LYPD4: variants seen among roughly 807,000 people sequenced by gnomAD.
LYPD4 encodes the protein LY6/PLAUR domain containing 4.
Under a neutral mutation model 18.2 loss-of-function variants are expected in LYPD4, and 20 were observed. The ratio of observed to expected loss-of-function variants is 1.10; its 90% confidence interval spans 0.77 to 1.59. The LOEUF (loss-of-function observed/expected upper bound fraction) is 1.59, where lower values mean the gene tolerates loss of function less well. Ranked by LOEUF, LYPD4 falls within the 40% of genes most tolerant of loss-of-function variation. The pLI is 0.00. For synonymous variants in LYPD4, 111 were observed against 118.3 expected (o/e 0.94, Z 0.40); for missense variants, 278 against 300.3 (o/e 0.93, Z 0.55).
downstream of LYPD4, among the ~76,000 whole-genome samples, chr19:41,836,696 G>A (rs1253756274): frequency 1.3e-5 from 2 of 150,010 alleles, no homozygotes; most frequent in Non-Finnish European, 3.0e-5. Context: ...AAAGATTCGA[G>A]ACCAGACCGG....
rs1555831001 is a variant in LYPD4, at chr19:41,837,903, G to C, written c.538+32C>G. On this transcript the variant is annotated intron_variant, in intron 4 of 4. Transcript: ENST00000609812. ...CTGGACAATGCCTGGCAGAGAGTAG[G>C]CATTTGATAAACAATATTCCTCTCC... 4 of 1,558,572 alleles carry C rather than the reference G, an allele frequency of 2.6e-6. No individual in the cohort carries two copies. In the South Asian group the frequency reaches 3.7e-5, roughly 14 times the overall value.
intron 2 of LYPD4, 40 bp downstream of exon 2, chr19:41,839,179 C>G: frequency 4.3e-6 from 7 of 1,614,134 alleles, no homozygotes; most frequent in Non-Finnish European, 5.9e-6. Flanking sequence ...CAGCCTCCCA[C>G]CTTTCTGGGT....
At position 41,842,764 on chromosome 19, in the gene LYPD4, C is replaced by CAAAAA. The variant is rs782233081; in HGVS notation, c.-121+809_-121+813dup. ...CAATAAGAGTGAAACTCCGTCTAAA[C>CAAAAA]AAAAAAAAAAAAAAAAAAAAAAAAA... On this transcript the variant is annotated intron_variant, in intron 1 of 4. Coordinates refer to ENST00000609812, the MANE Select transcript of LYPD4 (RefSeq NM_173506.7). Among the ~76,000 whole-genome samples the CAAAAA allele has an allele frequency of 6.7e-3, 335 of 49,818 alleles. 16 individuals are homozygous for CAAAAA. Among genetic ancestry groups the CAAAAA allele is most frequent in the East Asian group, 8.5e-3 (13 of 1,526 alleles). The allele number at this position is 49,818 out of a possible 152,430, so 32.7% of individuals were successfully genotyped here. A position where few individuals can be genotyped will look rare whatever the true frequency, so the allele number is the denominator to read the frequency against.
chr19:41,837,575 T>A (rs1008494762), intron 4 of LYPD4, among the ~76,000 whole-genome samples: 1 of 151,952 alleles, frequency 6.6e-6, no homozygotes, highest in Non-Finnish European at 1.5e-5. Flanking sequence ...ATGCCTATAA[T>A]CCCAGCTACT....
At chr19:41,838,309 A>ACCCAGAGTCCTCCCTCC in intron 3 of LYPD4, 48 bp from the exon 4 acceptor site, 1 of 1,440,370 alleles carries the variant, frequency 6.9e-7, no homozygotes, top group Non-Finnish European at 9.2e-7. Flanking sequence ...CACTGGCCTC[A>ACCCAGAGTCCTCCCTCC]CCCAGAGTCC....
At position 41,843,061 on chromosome 19, in the gene LYPD4, AAAAAAAAAAAAAAAAACC is replaced by A. The variant is rs1600569024; in HGVS notation, c.-121+499_-121+516del. Among the ~76,000 whole-genome samples, 36 of 55,160 alleles carry A rather than the reference AAAAAAAAAAAAAAAAACC, an allele frequency of 6.5e-4. 3 individuals are homozygous for A. The highest frequency in any genetic ancestry group is 1.7e-3 in the African/African-American group (23 of 13,402). The allele number at this position is 55,160 out of a possible 152,430, so 36.2% of individuals were successfully genotyped here. On this transcript the variant is annotated intron_variant, in intron 1 of 4. Transcript: ENST00000609812. The stretch of plus-strand genomic sequence containing the variant: ...AAAAAAAAAAAAAAAAAAAAAAAAA[AAAAAAAAAAAAAAAAACC>A]CCAACAACAACACTACACACATCCT...
Position 41,837,250 on chromosome 19 carries a change from C to T in LYPD4, c.634G>A (p.Glu212Lys). 11 of 1,614,108 alleles carry T rather than the reference C, an allele frequency of 6.8e-6. No homozygotes were observed. Among genetic ancestry groups the T allele is most frequent in the Non-Finnish European group, 9.3e-6 (11 of 1,179,990 alleles). Residue 212 changes from glutamate (E) to lysine (K), a missense_variant, in exon 5 of 5, where the codon GAG becomes AAG. Transcript: ENST00000609812. ...FHHIGSIKVT[E>K]VLNILEKSQI... ...GACTTCTCTAAGATGTTGAGGACCT[C>T]AGTCACTTTGATGCTCCCAATATGA... is the stretch of plus-strand genomic sequence containing the variant.
chr19:41,836,826 C>T (rs1418352723), downstream of LYPD4, among the ~76,000 whole-genome samples: 1 of 151,960 alleles, frequency 6.6e-6, no homozygotes, highest in Non-Finnish European at 1.5e-5. Context: ...AAACTGAGGC[C>T]CATAAAAAGG....
Position 41,840,146 on chromosome 19 carries a change from A to G in LYPD4, c.-120-741T>C, listed in dbSNP as rs143914417. Among the ~76,000 whole-genome samples the G allele has an allele frequency of 5.0e-3, 752 of 149,270 alleles. 24 individuals are homozygous for G. Among genetic ancestry groups the G allele is most frequent in the East Asian group, 0.019 (97 of 5,124 alleles). On this transcript the variant is annotated intron_variant, in intron 1 of 4. Coordinates refer to ENST00000609812, the MANE Select transcript of LYPD4 (RefSeq NM_173506.7). ...CATAGACACAGACAGACACACACATACACACACACACACACACATAAGTGC... is the reference window on the plus strand; with the variant it reads ...CATAGACACAGACAGACACACACATGCACACACACACACACACATAAGTGC...
chr19:41,842,764 C>CAAAAAAAAAAAAAAAAAAA (rs782233081), intron 1 of LYPD4, among the ~76,000 whole-genome samples: 1 of 49,796 alleles, frequency 2.0e-5, no homozygotes, highest in Non-Finnish European at 3.2e-5. Context: ...TCCGTCTAAA[C>CAAAAAAAAAAAAAAAAAAA]AAAAAAAAAA....
At chr19:41,838,371 TC>T in intron 3 of LYPD4, 110 bp from the exon 4 acceptor site, 1 of 941,190 alleles carries the variant, frequency 1.1e-6, no homozygotes, top group Non-Finnish European at 1.5e-6. Flanking sequence ...AATCTGTGCC[TC>T]CCTCCCCAAC....
Position 41,837,351 on chromosome 19 carries a change from A to G in LYPD4, c.539-6T>C. 1 of 1,613,848 alleles carries G rather than the reference A, an allele frequency of 6.2e-7. No individual in the cohort carries two copies. The highest frequency in any genetic ancestry group is 8.5e-7 in the Non-Finnish European group (1 of 1,179,810). ...GAAGGTGGTATTGAGAAACCCTGTA[A>G]GGAAGAGAGGGAGAAGTCAGGAACA... On this transcript the variant is annotated splice_region_variant and splice_polypyrimidine_tract_variant and intron_variant, in intron 4 of 4. Coordinates refer to ENST00000609812, the MANE Select transcript of LYPD4 (RefSeq NM_173506.7).
At chr19:41,843,079 C>CAAAAAAAAAAAAAA (rs2073694851) in intron 1 of LYPD4, among the ~76,000 whole-genome samples, 1 of 6,580 alleles carries the variant, frequency 1.5e-4, no homozygotes, top group African/African-American at 3.9e-4. Flanking sequence ...AAAAAAAAAC[C>CAAAAAAAAAAAAAA]CCAACAACAA....
At chr19:41,842,165 C>T (rs545615112) in intron 1 of LYPD4, among the ~76,000 whole-genome samples, 1 of 152,222 alleles carries the variant, frequency 6.6e-6, no homozygotes, top group African/African-American at 2.4e-5. Context: ...ACCTCGGCCA[C>T]CCAAATAGCT....
chr19:41,839,680 TTG>T (rs782545536), intron 1 of LYPD4: 893 of 212,808 alleles, frequency 4.2e-3, no homozygotes, highest in South Asian at 5.1e-3. Flanking sequence ...CTCGTGTGTG[TTG>T]TGTGTGTGTG....
chr19:41,843,978 C>T lies in LYPD4; in HGVS notation c.-521G>A, dbSNP rs2073746381. Reference sequence around the variant, plus strand: ...GAGGGGATGCCACCCCTACAAAAGACAAACAAATTGATGGAATGGAACCTT... The same window carrying T: ...GAGGGGATGCCACCCCTACAAAAGATAAACAAATTGATGGAATGGAACCTT... On this transcript the variant is annotated 5_prime_UTR_variant, in exon 1 of 5. Transcript: ENST00000609812. 8.2e-6 allele frequency: 1 copy of T among 122,426 alleles called. No homozygotes were observed. Among genetic ancestry groups the T allele is most frequent in the Non-Finnish European group, 1.7e-5 (1 of 60,596 alleles). 7.6% of individuals were successfully genotyped at this position (122,426 alleles called of 1,614,324 possible). A position where few individuals can be genotyped will look rare whatever the true frequency, so the allele number is the denominator to read the frequency against.
At chr19:41,842,775 A>C (rs2073644979) in intron 1 of LYPD4, among the ~76,000 whole-genome samples, 4 of 81,008 alleles carry the variant, frequency 4.9e-5, no homozygotes, top group Non-Finnish European at 1.3e-4. Flanking sequence ...AAAAAAAAAA[A>C]AAAAAAAAAA....
intron 4 of LYPD4, 105 bp downstream of exon 4, chr19:41,837,830 C>T: frequency 2.4e-6 from 3 of 1,256,646 alleles, no homozygotes; most frequent in South Asian, 1.6e-5. Context: ...CCCTTGCAAC[C>T]CCAATCCCAT....
At chr19:41,838,360 C>T (rs2073448170) in intron 3 of LYPD4, 99 bp from the exon 4 acceptor site, 2 of 1,051,432 alleles carry the variant, frequency 1.9e-6, no homozygotes, top group East Asian at 2.8e-5. Flanking sequence ...CTGCCTGTCA[C>T]AATCTGTGCC....
Sources: allele counts gnomAD v4.1 joint callset (sites outside exome capture counted in the v4.1 genomes callset), GRCh38; gene constraint gnomAD v4.1.1; transcripts MANE v1.5; gene names NCBI Gene and HGNC (gene_info 2026-07-23, HGNC 2026-07-21).